The following C16orf96 variants were observed in gnomAD, a reference collection of about 807,000 sequenced individuals.
C16orf96 encodes the protein uncharacterized protein C16orf96.
In C16orf96, 108 loss-of-function variants were observed where a neutral mutation model predicts 103.6. That is an observed-to-expected ratio of 1.04 (90% CI 0.89 to 1.22). C16orf96 has a LOEUF of 1.22. Ranked by LOEUF, C16orf96 falls within the 50% of genes most tolerant of loss-of-function variation. The pLI is 0.00. For synonymous variants in C16orf96, 566 were observed against 593.5 expected (o/e 0.95, Z 0.67); for missense variants, 1,586 against 1,464.2 (o/e 1.08, Z -1.36).
At position 4,593,233 on chromosome 16, in the gene C16orf96, C is replaced by A; in HGVS notation, c.2784C>A (p.Ile928=). ...CCTTGTCCTCCAACAGACAGCTGAT[C>A]ACCATCCGCAAAGCCCACCTGCTGT... ...PVEMMTGPQL[I]TIRKAHLLSR... The change falls in exon 12 of 16, where the codon ATC becomes ATA. Residue 928 remains isoleucine (I), a synonymous_variant. Coordinates refer to ENST00000444310, the MANE Select transcript of C16orf96 (RefSeq NM_001145011.2). This position sits in a 1 kb window ranked among gnomAD's most constrained non-coding sequence, Gnocchi z 4.2. The A allele has an allele frequency of 6.4e-7, 1 of 1,551,112 alleles. No homozygotes were observed. Among genetic ancestry groups the A allele is most frequent in the South Asian group, 1.2e-5 (1 of 84,006 alleles).
chr16:4,600,448 C>T lies in C16orf96; in HGVS notation c.*131C>T, dbSNP rs1897260307. ...GGCCTATGTGGCCCCCCACCCCCAC[C>T]CCCACCAAGTCCCCTCCATGTCCGA... On this transcript the variant is annotated 3_prime_UTR_variant, in exon 16 of 16. Transcript: ENST00000444310. The T allele has an allele frequency of 3.3e-6, 2 of 611,470 alleles. No individual in the cohort carries two copies. Among genetic ancestry groups the T allele is most frequent in the East Asian group, 2.9e-5 (1 of 34,904 alleles). The allele number at this position is 611,470 out of a possible 1,614,324, so 37.9% of individuals were successfully genotyped here.
At chr16:4,558,086 C>T (rs1403537634) in intron 1 of C16orf96, among the ~76,000 whole-genome samples, 2 of 152,222 alleles carry the variant, frequency 1.3e-5, no homozygotes, top group Non-Finnish European at 2.9e-5. Flanking sequence ...GAGTGAGAAT[C>T]TCCAAGAACC....
intron 2 of C16orf96, among the ~76,000 whole-genome samples, chr16:4,574,055 G>A (rs1304954777): frequency 3.3e-5 from 5 of 151,826 alleles, no homozygotes; most frequent in East Asian, 1.9e-4. Context: ...GGCTGGTCCC[G>A]AACTCCTGAA....
rs932451043 is a variant in C16orf96, at chr16:4,556,694, C to CCTAT, written c.207_210dup (p.Leu71TyrfsTer66). On this transcript the variant is annotated frameshift_variant, in exon 1 of 16. Transcript: ENST00000444310. LOFTEE classifies it high-confidence loss of function. ...CATGCCCAGGGAAGGAGACGCCCAG[C>CCTAT]CTATCCTCAACCCCATGAAGAGGCT... 11 of 1,551,520 alleles carry CCTAT rather than the reference C, an allele frequency of 7.1e-6. No homozygotes were observed. In the African/African-American group the frequency reaches 1.2e-4, roughly 17 times the overall value.
chr16:4,593,147 T>C lies in C16orf96; in HGVS notation c.2775-77T>C. On this transcript the variant is annotated intron_variant, in intron 11 of 15. Coordinates refer to ENST00000444310, the MANE Select transcript of C16orf96 (RefSeq NM_001145011.2). This position sits in a 1 kb window ranked among gnomAD's most constrained non-coding sequence, Gnocchi z 4.2. ...CCTTCCTCCTGCTGGGAAGGCTTCC[T>C]GGAGGGGTGGGAGACGAGCCCTCTG... The C allele has an allele frequency of 7.3e-7, 1 of 1,377,704 alleles. No homozygotes were observed. The highest frequency in any genetic ancestry group is 2.0e-5 in the Admixed American group (1 of 50,450). 85.3% of individuals were successfully genotyped at this position (1,377,704 alleles called of 1,614,324 possible). A position where few individuals can be genotyped will look rare whatever the true frequency, so the allele number is the denominator to read the frequency against.
intron 5 of C16orf96, among the ~76,000 whole-genome samples, chr16:4,578,330 A>G (rs1024807589): frequency 6.6e-6 from 1 of 151,944 alleles, no homozygotes; most frequent in African/African-American, 2.4e-5. Context: ...TTTAGTAGAG[A>G]TGGGGTTTTT....
chr16:4,577,698 G>A (rs1163606820), intron 5 of C16orf96, among the ~76,000 whole-genome samples: 1 of 152,076 alleles, frequency 6.6e-6, no homozygotes, highest in Non-Finnish European at 1.5e-5. Flanking sequence ...GCTCACGCCT[G>A]TAATCCCAGT....
chr16:4,600,411 A>G lies in C16orf96; in HGVS notation c.*94A>G, dbSNP rs1314740525. On this transcript the variant is annotated 3_prime_UTR_variant, in exon 16 of 16. Transcript: ENST00000444310. Reference sequence around the variant, plus strand: ...CCCACTCCCACCAAGTCCCCTCCACATCGGAGGCTGAGGCCTATGTGGCCC... The same window carrying G: ...CCCACTCCCACCAAGTCCCCTCCACGTCGGAGGCTGAGGCCTATGTGGCCC... 3.8e-6 allele frequency: 3 copies of G among 790,272 alleles called. No homozygotes were observed. Among genetic ancestry groups the G allele is most frequent in the Non-Finnish European group, 5.7e-6 (3 of 523,754 alleles). 49.0% of individuals were successfully genotyped at this position (790,272 alleles called of 1,614,324 possible).
intron 1 of C16orf96, among the ~76,000 whole-genome samples, chr16:4,567,440 C>A (rs142814152): frequency 6.7e-6 from 1 of 150,216 alleles, no homozygotes; most frequent in Non-Finnish European, 1.5e-5. Context: ...CCCGCCACCA[C>A]GCCCGGCTAA....
intron 14 of C16orf96, among the ~76,000 whole-genome samples, chr16:4,596,258 G>A (rs559319673): frequency 1.3e-5 from 2 of 152,178 alleles, no homozygotes; most frequent in East Asian, 1.9e-4. Context: ...AGACCGAGGC[G>A]GGCGGATCAC....
intron 7 of C16orf96, among the ~76,000 whole-genome samples, 194 bp from the exon 8 acceptor site, chr16:4,586,845 C>A (rs559447301): frequency 2.0e-5 from 3 of 152,182 alleles, no homozygotes; most frequent in African/African-American, 7.2e-5. Context: ...TGTCCCAAGT[C>A]GCACGTTCCT....
intron 1 of C16orf96, among the ~76,000 whole-genome samples, chr16:4,569,690 ACT>A (rs898542264): frequency 6.0e-5 from 7 of 117,048 alleles, no homozygotes; most frequent in African/African-American, 2.0e-4. Flanking sequence ...ACAGAGTGAG[ACT>A]CTGTCTCAAA....
chr16:4,586,952 G>C, intron 7 of C16orf96, 87 bp from the exon 8 acceptor site: 2 of 1,239,906 alleles, frequency 1.6e-6, no homozygotes, highest in Non-Finnish European at 1.1e-6. Flanking sequence ...TCCCTCCCCA[G>C]CATATGGTAA....
Position 4,580,000 on chromosome 16 carries a change from G to A in C16orf96, c.2242-15G>A. ...AGAAGCAGAGGCCTGGGGTGTCTGT[G>A]TCTCCCCCTTTTAGGAGGAAGAACT... is the stretch of plus-strand genomic sequence containing the variant. On this transcript the variant is annotated splice_polypyrimidine_tract_variant and intron_variant, in intron 6 of 15. Coordinates refer to ENST00000444310, the MANE Select transcript of C16orf96 (RefSeq NM_001145011.2). 11 of 1,545,676 alleles carry A rather than the reference G, an allele frequency of 7.1e-6. No individual in the cohort carries two copies. The highest frequency in any genetic ancestry group is 9.6e-6 in the Non-Finnish European group (11 of 1,141,822).
chr16:4,582,622 T>C (rs1659481), intron 7 of C16orf96, among the ~76,000 whole-genome samples: 145,523 of 152,162 alleles, frequency 0.96, 69,915 homozygotes, highest in East Asian at 1. Context: ...GTGCTCAGAC[T>C]GTGCACCACT....
chr16:4,540,434 G>C, the C16orf96 span, among the ~76,000 whole-genome samples: 1 of 152,092 alleles, frequency 6.6e-6, no homozygotes, highest in African/African-American at 2.4e-5. Flanking sequence ...AGATTTGTAG[G>C]TCATTTTAAG....
chr16:4,560,899 A>G (rs2059322887), intron 1 of C16orf96: 1 of 152,218 alleles, frequency 6.6e-6, no homozygotes, highest in Admixed American at 6.6e-5. Flanking sequence ...CACCCCTATA[A>G]TCCCAACACT....
At chr16:4,542,633 CT>C in the C16orf96 span, among the ~76,000 whole-genome samples, 3 of 151,804 alleles carry the variant, frequency 2.0e-5, no homozygotes, top group African/African-American at 7.3e-5. Flanking sequence ...CCCGTCTCTA[CT>C]AAAAATACAA....
intron 1 of C16orf96, chr16:4,562,788 G>C: frequency 8.5e-7 from 1 of 1,178,478 alleles, no homozygotes; most frequent in Admixed American, 2.0e-5. Context: ...AACAGTACAG[G>C]TTTTATTTAT....
Sources: allele counts gnomAD v4.1 joint callset (sites outside exome capture counted in the v4.1 genomes callset), GRCh38; gene constraint gnomAD v4.1.1; non-coding constraint Gnocchi (gnomAD v3.1); transcripts MANE v1.5; gene names NCBI Gene and HGNC (gene_info 2026-07-23, HGNC 2026-07-21).